Variants in ATG16L1 observed in about 807,000 individuals in gnomAD.
ATG16L1 encodes autophagy-related protein 16-1.
In ATG16L1, 37 loss-of-function variants were observed where a neutral mutation model predicts 88.5. The observed-to-expected ratio is 0.42, with a 90% CI of 0.32 to 0.55. The LOEUF (loss-of-function observed/expected upper bound fraction) is 0.55, where lower values mean the gene tolerates loss of function less well. Among genes scored for constraint, ATG16L1 ranks in the 20% least tolerant of loss-of-function variants. ATG16L1 has a pLI of 0.13. For missense variants in ATG16L1, 554 were observed against 752.8 expected (o/e 0.74, Z 3.09); for synonymous variants, 301 against 281.0 (o/e 1.07, Z -0.71).
intron 13 of ATG16L1, 136 bp from the exon 14 acceptor site, chr2:233,290,112 A>G (rs1039531672): frequency 1.3e-6 from 2 of 1,501,646 alleles, no homozygotes; most frequent in African/African-American, 2.8e-5. Context: ...GGCACTGAGG[A>G]TAGTGATAGT....
At chr2:233,284,752 G>A (rs1333413870) in intron 12 of ATG16L1, among the ~76,000 whole-genome samples, 1 of 152,212 alleles carries the variant, frequency 6.6e-6, no homozygotes. Context: ...TTACAGGCAT[G>A]CACCACCACG....
chr2:233,263,029 T>C (rs1697326157), intron 2 of ATG16L1, 101 bp from the exon 3 acceptor site: 1 of 994,878 alleles, frequency 1.0e-6, no homozygotes, highest in African/African-American at 1.6e-5. Context: ...AACATGTTTC[T>C]GGAGTTATGG....
chr2:233,253,337 T>G (rs1001074202), intron 1 of ATG16L1, among the ~76,000 whole-genome samples: 33 of 130,894 alleles, frequency 2.5e-4, no homozygotes, highest in African/African-American at 8.6e-4. Context: ...ACTGGGTTTT[T>G]TTGTTTTTTT....
chr2:233,268,165 T>A (rs1020025488), intron 5 of ATG16L1, among the ~76,000 whole-genome samples: 1 of 152,172 alleles, frequency 6.6e-6, no homozygotes, highest in Non-Finnish European at 1.5e-5. Flanking sequence ...CTTCATAAGA[T>A]GCACTCAGGG....
rs11674205 is a variant in ATG16L1 at position 233,256,172 on chromosome 2, C to T, written c.186C>T (p.Asp62=). The T allele has an allele frequency of 3.0e-5, 48 of 1,613,958 alleles. 1 individual carries two copies. The highest frequency in any genetic ancestry group is 2.4e-4 in the South Asian group (22 of 91,070). ...LAQKLQAEKH[D]VPNRHEISPG... is the part of the protein sequence containing the mutation. ...AGAAACTACAGGCTGAAAAGCATGA[C>T]GTACCAAACAGGCACGAGATAAGGT... Residue 62 remains aspartate (D), a synonymous_variant, in exon 2 of 18, where the codon GAC becomes GAT. Transcript: ENST00000392017.
chr2:233,260,556 C>T (rs926411656), intron 2 of ATG16L1, among the ~76,000 whole-genome samples: 3 of 152,178 alleles, frequency 2.0e-5, no homozygotes, highest in African/African-American at 7.2e-5. Flanking sequence ...TTAGTGGGCT[C>T]CAGGAATCTG....
At position 233,265,049 on chromosome 2, in the gene ATG16L1, A is replaced by G. The variant is rs557331294; in HGVS notation, c.547A>G (p.Thr183Ala). 154 of 1,614,196 alleles carry G rather than the reference A, an allele frequency of 9.5e-5. 1 individual carries two copies. In the South Asian group the frequency reaches 1.5e-3, roughly 16 times the overall value. Residue 183 changes from threonine (T) to alanine (A), a missense_variant, in exon 5 of 18, where the codon ACT becomes GCT. Transcript: ENST00000392017. ...FTALEGKLRK[T>A]TEENQELVTR... is the part of the protein sequence containing the mutation. ...TGCCTTGGAGGGAAAACTGAGGAAAACTACGGAAGAGAACCAGGAGCTGGT... is the reference window on the plus strand; with the variant it reads ...TGCCTTGGAGGGAAAACTGAGGAAAGCTACGGAAGAGAACCAGGAGCTGGT...
chr2:233,266,631 A>C (rs1422565620), intron 5 of ATG16L1, among the ~76,000 whole-genome samples: 1 of 152,206 alleles, frequency 6.6e-6, no homozygotes, highest in Non-Finnish European at 1.5e-5. Context: ...TTAAAGGGTG[A>C]TGATGGAAAA....
At chr2:233,257,009 ATTTTT>A (rs894268435) in intron 2 of ATG16L1, among the ~76,000 whole-genome samples, 28 of 127,688 alleles carry the variant, frequency 2.2e-4, no homozygotes, top group Non-Finnish European at 4.1e-4. Context: ...CCAGCTTACA[ATTTTT>A]TTTGTTTTGT....
chr2:233,282,814 C>T, intron 12 of ATG16L1, 61 bp downstream of exon 12: 1 of 1,489,492 alleles, frequency 6.7e-7, no homozygotes, highest in Non-Finnish European at 9.4e-7. Context: ...TATCAAGGCA[C>T]AAACTGGCAG....
At chr2:233,294,067 C>G (rs1190962238) in intron 17 of ATG16L1, among the ~76,000 whole-genome samples, 190 bp from the exon 18 acceptor site, 7 of 152,210 alleles carry the variant, frequency 4.6e-5, no homozygotes, top group African/African-American at 1.2e-4. Context: ...TTAAGTACAC[C>G]ACTGGATTTT....
chr2:233,256,136 A>G lies in ATG16L1; in HGVS notation c.150A>G (p.Ser50=), dbSNP rs371598171. Reference sequence around the variant, plus strand: ...TGCTGGAAAAGTCAGATCTTCATTCAGTGTTGGCCCAGAAACTACAGGCTG... The same window carrying G: ...TGCTGGAAAAGTCAGATCTTCATTCGGTGTTGGCCCAGAAACTACAGGCTG... The part of the protein sequence containing the change: ...NKLLEKSDLH[S]VLAQKLQAEK... The change falls in exon 2 of 18, where the codon TCA becomes TCG. Residue 50 remains serine (S), a synonymous_variant. Coordinates refer to ENST00000392017, the MANE Select transcript of ATG16L1 (RefSeq NM_030803.7). 7.1e-5 allele frequency: 114 copies of G among 1,613,964 alleles called. 1 individual carries two copies. The Middle Eastern group carries it at 8.2e-4, about 12-fold the overall frequency.
chr2:233,279,042 T>C (rs1213495099), intron 10 of ATG16L1, among the ~76,000 whole-genome samples: 1 of 152,170 alleles, frequency 6.6e-6, no homozygotes, highest in African/African-American at 2.4e-5. Context: ...GCTGGGTGTG[T>C]TGGCATGCAC....
intron 7 of ATG16L1, chr2:233,273,272 T>A: frequency 1.8e-6 from 1 of 547,850 alleles, no homozygotes; most frequent in Non-Finnish European, 3.2e-6. Context: ...TGCTTCTAAA[T>A]ACAAAAAAAT....
At chr2:233,260,249 C>G (rs1481301391) in intron 2 of ATG16L1, among the ~76,000 whole-genome samples, 2 of 152,234 alleles carry the variant, frequency 1.3e-5, no homozygotes, top group African/African-American at 2.4e-5. Flanking sequence ...AACTCTTCAG[C>G]CTCGAAATTG....
intron 8 of ATG16L1, chr2:233,274,186 C>A (rs772666428): frequency 3.6e-6 from 3 of 843,150 alleles, no homozygotes; most frequent in Non-Finnish European, 5.5e-6. Context: ...CGGGAGCCCT[C>A]AGAGCAGGGC....
intron 12 of ATG16L1, among the ~76,000 whole-genome samples, chr2:233,284,643 T>A (rs910966224): frequency 2.0e-5 from 3 of 152,104 alleles, no homozygotes; most frequent in African/African-American, 4.8e-5. Context: ...AATTTTTGTA[T>A]TTTTTTAGTA....
intron 4 of ATG16L1, 140 bp downstream of exon 4, chr2:233,264,205 C>T: frequency 2.8e-6 from 2 of 706,536 alleles, no homozygotes; most frequent in South Asian, 1.7e-5. Context: ...TGCATACACA[C>T]TCTGGGATCC....
rs549556010 is a variant in ATG16L1, at chr2:233,257,791, G to T, written c.209+1596G>T. On this transcript the variant is annotated intron_variant, in intron 2 of 17. Coordinates refer to ENST00000392017, the MANE Select transcript of ATG16L1 (RefSeq NM_030803.7). ...GGAGGCCAAGGCGGGTGGATCACAG[G>T]GTCAGGAGTTCAAGACCAGCCTGGC... Among the ~76,000 whole-genome samples the T allele has an allele frequency of 3.3e-5, 5 of 152,222 alleles. No individual in the cohort carries two copies. In the South Asian group the frequency reaches 8.3e-4, roughly 25 times the overall value.
Sources: gnomAD v4.1 joint callset for allele counts (sites outside exome capture counted in the v4.1 genomes callset) on GRCh38, gnomAD v4.1.1 for gene constraint, MANE v1.5 for transcripts, NCBI Gene and HGNC (gene_info 2026-07-23, HGNC 2026-07-21) for gene names.